The following PTPN4 variants were observed in gnomAD, a reference collection of about 807,000 sequenced individuals.
The protein encoded by PTPN4 is tyrosine-protein phosphatase non-receptor type 4.
In PTPN4, 49 loss-of-function variants were observed where a neutral mutation model predicts 135.5. That is an observed-to-expected ratio of 0.36 (90% CI 0.29 to 0.46). The LOEUF (loss-of-function observed/expected upper bound fraction) is 0.46. Ranked by LOEUF, PTPN4 falls within the 20% of genes least tolerant of loss-of-function variation. PTPN4 has a pLI of 1.00. For missense variants in PTPN4, 860 were observed against 1,101.0 expected (o/e 0.78, Z 3.10); for synonymous variants, 333 against 369.9 (o/e 0.90, Z 1.14).
At chr2:119,765,933 T>TGTGTGCGC (rs1553430617) in intron 1 of PTPN4, among the ~76,000 whole-genome samples, 7 of 151,036 alleles carry the variant, frequency 4.6e-5, no homozygotes, top group African/African-American at 9.8e-5. Context: ...TGTGTGTGTG[T>TGTGTGCGC]GCGCGCGCGC....
chr2:119,860,240 C>T (rs780912641), intron 2 of PTPN4, among the ~76,000 whole-genome samples: 11 of 152,092 alleles, frequency 7.2e-5, no homozygotes, highest in African/African-American at 2.4e-4. Context: ...CATTTGCAGG[C>T]GATTTAAATG....
intron 16 of PTPN4, among the ~76,000 whole-genome samples, chr2:119,945,910 G>A (rs72952811): frequency 0.025 from 3,872 of 152,184 alleles, 162 homozygotes; most frequent in African/African-American, 0.087. Flanking sequence ...CTTTAAATAG[G>A]TGAATGATAT....
intron 11 of PTPN4, among the ~76,000 whole-genome samples, chr2:119,917,636 A>T (rs1678673668): frequency 6.6e-6 from 1 of 152,126 alleles, no homozygotes; most frequent in African/African-American, 2.4e-5. Flanking sequence ...AGGCTAAGGC[A>T]CAAGAATCTC....
At chr2:119,883,184 C>T (rs1376024931) in intron 8 of PTPN4, among the ~76,000 whole-genome samples, 1 of 152,082 alleles carries the variant, frequency 6.6e-6, no homozygotes, top group Non-Finnish European at 1.5e-5. Flanking sequence ...TTTCAGTCAA[C>T]ATTCGGTGAA....
chr2:119,842,993 T>C (rs1214060529), intron 2 of PTPN4, among the ~76,000 whole-genome samples: 3 of 152,208 alleles, frequency 2.0e-5, no homozygotes, highest in Non-Finnish European at 4.4e-5. Context: ...CTTTATCACA[T>C]TGAGGAAAGT....
intron 1 of PTPN4, among the ~76,000 whole-genome samples, chr2:119,787,195 A>T (rs956364530): frequency 6.6e-6 from 1 of 152,168 alleles, no homozygotes; most frequent in African/African-American, 2.4e-5. Context: ...CAAAGGGATT[A>T]CCAGTATCCT....
chr2:119,887,357 C>A (rs916364064), intron 9 of PTPN4, among the ~76,000 whole-genome samples: 7 of 152,098 alleles, frequency 4.6e-5, no homozygotes, highest in African/African-American at 1.4e-4. Flanking sequence ...CATGGTGGTG[C>A]ATGCCTGTAG....
At chr2:119,964,753 G>A (rs1679422526) in intron 24 of PTPN4, among the ~76,000 whole-genome samples, 1 of 152,112 alleles carries the variant, frequency 6.6e-6, no homozygotes, top group African/African-American at 2.4e-5. Flanking sequence ...TTTCCTTTTT[G>A]TTGAAATTTT....
intron 2 of PTPN4, among the ~76,000 whole-genome samples, chr2:119,856,540 A>G (rs1443288984): frequency 5.9e-5 from 9 of 152,190 alleles, no homozygotes; most frequent in African/African-American, 2.2e-4. Flanking sequence ...TAACAAAGGG[A>G]ATCCTACGAT....
Position 119,946,402 on chromosome 2 carries a change from G to A in PTPN4, c.1577G>A (p.Gly526Glu), listed in dbSNP as rs1443731535. 6.2e-7 allele frequency: 1 copy of A among 1,610,636 alleles called. No individual in the cohort carries two copies. Among genetic ancestry groups the A allele is most frequent in the African/African-American group, 1.3e-5 (1 of 74,802 alleles). ...VLIRMKPDENGRFGFNVKGGY... is the reference protein window; with the variant it reads ...VLIRMKPDENERFGFNVKGGY... ...ATCAGAATGAAACCTGATGAAAATG[G>A]GAGGTTTGGATTCAATGTAAAGGTA... Residue 526 changes from glycine to glutamate, a missense_variant, in exon 17 of 27, where the codon GGG (glycine) becomes GAG (glutamate). Around this residue, in one of 2 missense-constraint regions of PTPN4, gnomAD observed 684 missense variants for 807.0 expected, o/e 0.85. Coordinates refer to ENST00000263708, the MANE Select transcript of PTPN4 (RefSeq NM_002830.4).
chr2:119,781,108 T>C (rs1690928094), intron 1 of PTPN4, among the ~76,000 whole-genome samples: 1 of 152,188 alleles, frequency 6.6e-6, no homozygotes. Context: ...ACTGCCTCTC[T>C]TTTTCTTTGA....
Position 119,960,814 on chromosome 2 carries a change from T to A in PTPN4, c.2141T>A (p.Ile714Asn). ...YINANYINMEIPSSSIINQYI... is the reference protein window; with the variant it reads ...YINANYINMENPSSSIINQYI... ...ATGCCCTTTTCTTTTTAGATGGAAATTCCTTCTTCCAGCATTATAAATCAG... is the reference window on the plus strand; with the variant it reads ...ATGCCCTTTTCTTTTTAGATGGAAAATCCTTCTTCCAGCATTATAAATCAG... The change falls in exon 23 of 27, where the codon ATT becomes AAT. Residue 714 changes from isoleucine (I) to asparagine (N), a missense_variant. Physicochemically the swap from Ile to Asn is moderately radical, Grantham distance 149. This residue lies in a region of PTPN4 where 176 missense variants were observed against 294.1 expected (regional missense o/e 0.60). Transcript: ENST00000263708. The A allele has an allele frequency of 6.2e-7, 1 of 1,605,212 alleles. No individual in the cohort carries two copies. Among genetic ancestry groups the A allele is most frequent in the Non-Finnish European group, 8.5e-7 (1 of 1,177,852 alleles).
intron 1 of PTPN4, among the ~76,000 whole-genome samples, chr2:119,775,096 G>GAAAAAAAAAAA (rs35234122): frequency 1.5e-5 from 1 of 66,742 alleles, no homozygotes; most frequent in Non-Finnish European, 2.7e-5. Flanking sequence ...GCCCTATTCT[G>GAAAAAAAAAAA]AAAAAAAAAA....
intron 2 of PTPN4, among the ~76,000 whole-genome samples, chr2:119,818,256 T>C (rs1242976303): frequency 7.9e-6 from 1 of 127,110 alleles, no homozygotes; most frequent in Non-Finnish European, 1.8e-5. Context: ...ACATCACCCC[T>C]AAATCTGTTT....
intron 3 of PTPN4, among the ~76,000 whole-genome samples, chr2:119,873,171 T>C (rs1677938021): frequency 7.0e-6 from 1 of 142,086 alleles, no homozygotes; most frequent in African/African-American, 2.5e-5. Flanking sequence ...TTTTCTGGGT[T>C]TTTTTTTTTT....
intron 2 of PTPN4, among the ~76,000 whole-genome samples, chr2:119,840,796 TGGTA>T (rs1389781440): frequency 2.0e-5 from 3 of 152,234 alleles, no homozygotes; most frequent in African/African-American, 7.2e-5. Context: ...TGGTGTGAGA[TGGTA>T]TCTCATTGTG....
chr2:119,782,443 T>C (rs1286112906), intron 1 of PTPN4, among the ~76,000 whole-genome samples: 1 of 151,908 alleles, frequency 6.6e-6, no homozygotes, highest in East Asian at 1.9e-4. Flanking sequence ...AAAAAAATTC[T>C]TAAGTTATAT....
At chr2:119,885,519 A>T (rs1166569418) in intron 8 of PTPN4, among the ~76,000 whole-genome samples, 1 of 152,202 alleles carries the variant, frequency 6.6e-6, no homozygotes, top group Non-Finnish European at 1.5e-5. Context: ...TCTAAAAGTG[A>T]GGGGTTTTGT....
At position 119,801,914 on chromosome 2, in the gene PTPN4, T is replaced by C. The variant is rs1178618249; in HGVS notation, c.-17-7923T>C. ...TCTTTCTTTCCGTTTTTTTTTTTTT[T>C]TTTTTTGAGGCAGTCTTATTCTCTC... On this transcript the variant is annotated intron_variant, in intron 1 of 26. Transcript: ENST00000263708. Among the ~76,000 whole-genome samples, 2 of 147,642 alleles carry C rather than the reference T, an allele frequency of 1.4e-5. 1 individual carries two copies. Among genetic ancestry groups the C allele is most frequent in the East Asian group, 3.9e-4 (2 of 5,160 alleles).
Sources: allele counts gnomAD v4.1 joint callset (sites outside exome capture counted in the v4.1 genomes callset), GRCh38; gene constraint gnomAD v4.1.1; regional missense constraint gnomAD v4.1.1; transcripts MANE v1.5; gene names NCBI Gene and HGNC (gene_info 2026-07-23, HGNC 2026-07-21).